Variants in SORCS3 observed in about 807,000 individuals in gnomAD.
SORCS3 encodes VPS10 domain-containing receptor SorCS3.
Under a neutral mutation model 146.3 loss-of-function variants are expected in SORCS3, and 57 were observed. The observed-to-expected ratio is 0.39, with a 90% confidence interval of 0.31 to 0.49. The LOEUF (loss-of-function observed/expected upper bound fraction) is 0.49. Among genes scored for constraint, SORCS3 ranks in the 20% least tolerant of loss-of-function variants. The pLI is 0.92. For synonymous variants in SORCS3, 653 were observed against 618.5 expected (o/e 1.06, Z -0.83); for missense variants, 1,341 against 1,575.5 (o/e 0.85, Z 2.52).
intron 1 of SORCS3, among the ~76,000 whole-genome samples, chr10:104,715,325 A>T (rs939466057): frequency 6.6e-6 from 1 of 152,162 alleles, no homozygotes; most frequent in Non-Finnish European, 1.5e-5. Flanking sequence ...TCTCTTCTTA[A>T]GTTGGGACAT....
intron 2 of SORCS3, among the ~76,000 whole-genome samples, chr10:104,878,470 T>C (rs1180254984): frequency 6.6e-6 from 1 of 152,158 alleles, no homozygotes; most frequent in African/African-American, 2.4e-5. Context: ...TTCAAGAAGA[T>C]TTACTCAAAA....
At chr10:104,989,021 G>A (rs1010077100) in intron 4 of SORCS3, among the ~76,000 whole-genome samples, 1 of 152,174 alleles carries the variant, frequency 6.6e-6, no homozygotes, top group African/African-American at 2.4e-5. Flanking sequence ...CATTTAAAAT[G>A]CACAAACTGA....
At chr10:104,878,438 T>A (rs1274193165) in intron 2 of SORCS3, among the ~76,000 whole-genome samples, 4 of 152,130 alleles carry the variant, frequency 2.6e-5, no homozygotes, top group Non-Finnish European at 5.9e-5. Context: ...AGGGCTCACT[T>A]TATTATAGAA....
chr10:104,971,752 T>G (rs1172269066), intron 3 of SORCS3, among the ~76,000 whole-genome samples: 2 of 151,918 alleles, frequency 1.3e-5, no homozygotes, highest in Admixed American at 1.3e-4. Flanking sequence ...AAAGTCAAAA[T>G]GGAGGGTTAA....
chr10:105,006,980 A>C (rs118190960), intron 4 of SORCS3, among the ~76,000 whole-genome samples: 1 of 152,238 alleles, frequency 6.6e-6, no homozygotes, highest in Non-Finnish European at 1.5e-5. Flanking sequence ...CCTTTGACCC[A>C]GGCTGCATAG....
At chr10:104,838,557 C>T (rs1017068374) in intron 1 of SORCS3, among the ~76,000 whole-genome samples, 5 of 152,280 alleles carry the variant, frequency 3.3e-5, no homozygotes, top group African/African-American at 4.8e-5. Flanking sequence ...AGTTTCCATC[C>T]TATAATTCTC....
chr10:105,149,379 A>G (rs2119472778), intron 9 of SORCS3, among the ~76,000 whole-genome samples: 1 of 152,306 alleles, frequency 6.6e-6, no homozygotes, highest in Admixed American at 6.5e-5. Flanking sequence ...AAGTGCTGAA[A>G]TAATTCCCTT....
chr10:105,191,588 A>G (rs1470072901), intron 14 of SORCS3, among the ~76,000 whole-genome samples: 1 of 152,212 alleles, frequency 6.6e-6, no homozygotes, highest in African/African-American at 2.4e-5. Context: ...GCTTGATTTA[A>G]AGCAGCAGTC....
chr10:104,974,508 G>A (rs12570326), intron 3 of SORCS3, among the ~76,000 whole-genome samples: 1 of 152,088 alleles, frequency 6.6e-6, no homozygotes, highest in Admixed American at 6.5e-5. Flanking sequence ...TCAGAGACTA[G>A]GATTGCAACC....
At chr10:105,194,748 A>T (rs2056535097) in intron 14 of SORCS3, among the ~76,000 whole-genome samples, 1 of 152,158 alleles carries the variant, frequency 6.6e-6, no homozygotes, top group Admixed American at 6.6e-5. Context: ...AGTTGACAAA[A>T]ATTTCACCAA....
intron 14 of SORCS3, among the ~76,000 whole-genome samples, chr10:105,188,938 G>A (rs1253067051): frequency 1.3e-5 from 2 of 152,172 alleles, no homozygotes; most frequent in African/African-American, 2.4e-5. Context: ...AGGAGATGGT[G>A]TATGACTCAC....
At chr10:104,772,383 G>T (rs904143619) in intron 1 of SORCS3, among the ~76,000 whole-genome samples, 6 of 152,084 alleles carry the variant, frequency 3.9e-5, no homozygotes, top group African/African-American at 7.2e-5. Flanking sequence ...TGATCCTAGG[G>T]GCCAGCTTCC....
chr10:105,243,316 G>T (rs2056847783), intron 20 of SORCS3, among the ~76,000 whole-genome samples: 2 of 152,018 alleles, frequency 1.3e-5, no homozygotes, highest in African/African-American at 4.8e-5. Flanking sequence ...AGGCCAGAAT[G>T]CAGACAAACT....
chr10:105,219,285 C>A (rs918487051), intron 19 of SORCS3, among the ~76,000 whole-genome samples: 1 of 152,144 alleles, frequency 6.6e-6, no homozygotes, highest in Non-Finnish European at 1.5e-5. Context: ...GAGTTTTCTC[C>A]CCACAAAGTC....
intron 1 of SORCS3, among the ~76,000 whole-genome samples, chr10:104,692,351 A>AGCTTTAGATGCAGAATGTCTC (rs1488119508): frequency 8.9e-4 from 136 of 152,308 alleles, no homozygotes; most frequent in Non-Finnish European, 1.5e-3. Flanking sequence ...GGTCAAGGGC[A>AGCTTTAGATGCAGAATGTCTC]GCTTTAGATG....
intron 11 of SORCS3, among the ~76,000 whole-genome samples, chr10:105,162,674 C>T (rs939954393): frequency 3.3e-5 from 5 of 152,136 alleles, no homozygotes; most frequent in Non-Finnish European, 5.9e-5. Flanking sequence ...GCCTTGGGTT[C>T]TTACCACCAT....
At chr10:105,162,216 T>C (rs1477062350) in intron 11 of SORCS3, among the ~76,000 whole-genome samples, 1 of 152,136 alleles carries the variant, frequency 6.6e-6, no homozygotes. Flanking sequence ...GAAATGAGGG[T>C]GAAAGCAAGT....
intron 2 of SORCS3, among the ~76,000 whole-genome samples, chr10:104,878,823 T>G (rs1320328312): frequency 2.0e-5 from 3 of 152,176 alleles, no homozygotes; most frequent in Non-Finnish European, 4.4e-5. Context: ...TTAGAGGGAT[T>G]TGCACGATGT....
At chr10:105,202,765 T>A (rs1057286201) in intron 16 of SORCS3, among the ~76,000 whole-genome samples, 11 of 152,160 alleles carry the variant, frequency 7.2e-5, no homozygotes, top group African/African-American at 2.7e-4. Flanking sequence ...ATCTCCCCAA[T>A]TCTGGGAATG....
Sources: allele counts gnomAD v4.1 joint callset (sites outside exome capture counted in the v4.1 genomes callset), GRCh38; gene constraint gnomAD v4.1.1; transcripts MANE v1.5; gene names NCBI Gene and HGNC (gene_info 2026-07-23, HGNC 2026-07-21).